Variants in ACER1 observed in about 807,000 individuals in gnomAD.
The protein encoded by ACER1 is alkaline ceramidase 1, also known as CTB-180A7.3.
Under a neutral mutation model 24.9 loss-of-function variants are expected in ACER1, and 28 were observed. That is an observed-to-expected ratio of 1.13 (90% CI 0.83 to 1.54). The LOEUF (loss-of-function observed/expected upper bound fraction) is 1.54. Among genes scored for constraint, ACER1 ranks in the 40% most tolerant of loss-of-function variants. The pLI, the probability that ACER1 is intolerant of heterozygous loss-of-function variation, is 0.00. For missense variants in ACER1, 352 were observed against 349.3 expected, an observed-to-expected ratio of 1.01 and a Z score of -0.06; for synonymous variants, 132 against 131.4, an observed-to-expected ratio of 1.00 and a Z score of -0.03.
the ACER1 span, among the ~76,000 whole-genome samples, chr19:6,354,902 C>T: frequency 1.3e-5 from 2 of 152,188 alleles, no homozygotes; most frequent in East Asian, 1.9e-4. Context: ...GCTGCCATCT[C>T]GGCTCACTGC....
At chr19:6,350,068 C>T in the ACER1 span, among the ~76,000 whole-genome samples, 1 of 151,958 alleles carries the variant, frequency 6.6e-6, no homozygotes, top group South Asian at 2.1e-4. Context: ...GAGTTTGAGG[C>T]TGCAGTGAGC....
chr19:6,358,976 T>C, the ACER1 span, among the ~76,000 whole-genome samples: 1 of 148,566 alleles, frequency 6.7e-6, no homozygotes, highest in African/African-American at 2.5e-5. Flanking sequence ...TGATGGTTCA[T>C]GTCTCAGCAG....
At chr19:6,309,394 C>T (rs1424250491) in intron 4 of ACER1, among the ~76,000 whole-genome samples, 3 of 151,922 alleles carry the variant, frequency 2.0e-5, no homozygotes, top group Admixed American at 6.6e-5. Context: ...TGATGGCATA[C>T]GCCTCTAGTC....
the ACER1 span, among the ~76,000 whole-genome samples, chr19:6,358,463 T>C: frequency 6.6e-6 from 1 of 151,992 alleles, no homozygotes; most frequent in Non-Finnish European, 1.5e-5. Context: ...GGGCACAAAA[T>C]TATTCTTATC....
chr19:6,345,309 C>T, the ACER1 span, among the ~76,000 whole-genome samples: 1 of 152,146 alleles, frequency 6.6e-6, no homozygotes, highest in Non-Finnish European at 1.5e-5. Flanking sequence ...CAGCAATCTG[C>T]AAGCTTTTTG....
the ACER1 span, among the ~76,000 whole-genome samples, chr19:6,354,202 T>G: frequency 2.0e-5 from 3 of 148,706 alleles, no homozygotes; most frequent in African/African-American, 5.1e-5. Context: ...TAAAATAAAA[T>G]AAAATAAATA....
At chr19:6,322,983 A>C (rs1049527426) in intron 1 of ACER1, among the ~76,000 whole-genome samples, 1 of 152,046 alleles carries the variant, frequency 6.6e-6, no homozygotes, top group Non-Finnish European at 1.5e-5. Context: ...GTGGTGGTGC[A>C]CACCTGTAAG....
chr19:6,355,376 A>G, the ACER1 span, among the ~76,000 whole-genome samples: 1 of 143,696 alleles, frequency 7.0e-6, no homozygotes, highest in African/African-American at 2.8e-5. Context: ...CTAGGAAGTG[A>G]GGAGCGCCTC....
intron 1 of ACER1, among the ~76,000 whole-genome samples, chr19:6,325,498 C>CA (rs1331957074): frequency 6.6e-6 from 1 of 152,020 alleles, no homozygotes; most frequent in Non-Finnish European, 1.5e-5. Flanking sequence ...ATTAAAAATA[C>CA]AAAAAATTAG....
At chr19:6,307,311 C>T in intron 4 of ACER1, 21 bp from the exon 5 acceptor site, 1 of 1,612,874 alleles carries the variant, frequency 6.2e-7, no homozygotes. Context: ...GAGAGGGGGA[C>T]CAGGGGCTGG....
At chr19:6,337,997 T>C (rs1163940136), upstream of ACER1, among the ~76,000 whole-genome samples, 1 of 151,546 alleles carries the variant, frequency 6.6e-6, no homozygotes, top group Non-Finnish European at 1.5e-5. Flanking sequence ...CTTTTTAAAA[T>C]AATATTTTGG....
chr19:6,330,561 T>C (rs892489433), intron 1 of ACER1, among the ~76,000 whole-genome samples: 5 of 150,012 alleles, frequency 3.3e-5, no homozygotes, highest in Admixed American at 2.0e-4. Flanking sequence ...TCCTCCTGTC[T>C]CGACCTTCCA....
chr19:6,320,643 TAATTAA>T (rs1324522911), intron 1 of ACER1, among the ~76,000 whole-genome samples: 1 of 152,068 alleles, frequency 6.6e-6, no homozygotes, highest in African/African-American at 2.4e-5. Context: ...TAATCACCAG[TAATTAA>T]GTGGTCTCAC....
chr19:6,317,036 C>A (rs2091606578), intron 1 of ACER1, among the ~76,000 whole-genome samples: 1 of 136,438 alleles, frequency 7.3e-6, no homozygotes, highest in Non-Finnish European at 1.5e-5. Context: ...TGCAGTGGTG[C>A]AATCTCGGTT....
the ACER1 span, among the ~76,000 whole-genome samples, chr19:6,347,644 T>C: frequency 6.6e-6 from 1 of 151,808 alleles, no homozygotes; most frequent in Non-Finnish European, 1.5e-5. Context: ...AAGACCAGCC[T>C]GACCAACATG....
intron 1 of ACER1, among the ~76,000 whole-genome samples, chr19:6,330,752 C>T (rs576452730): frequency 6.7e-6 from 1 of 149,998 alleles, no homozygotes; most frequent in East Asian, 1.9e-4. Context: ...AATCATTCAG[C>T]TCCCTCCCAT....
chr19:6,329,325 C>A (rs1434053396), intron 1 of ACER1, among the ~76,000 whole-genome samples: 1 of 139,424 alleles, frequency 7.2e-6, no homozygotes, highest in Non-Finnish European at 1.5e-5. Flanking sequence ...TATTCCTCAT[C>A]CCCTGACCTG....
chr19:6,322,495 C>G (rs2091635838), intron 1 of ACER1, among the ~76,000 whole-genome samples: 1 of 152,102 alleles, frequency 6.6e-6, no homozygotes, highest in South Asian at 2.1e-4. Flanking sequence ...ATTCATCTTT[C>G]AAAACCCAAC....
chr19:6,350,641 G>T, the ACER1 span, among the ~76,000 whole-genome samples: 1 of 150,672 alleles, frequency 6.6e-6, no homozygotes, highest in African/African-American at 2.4e-5. Context: ...GAGGGAGAGA[G>T]GGAGGGAGGC....
Sources: allele counts gnomAD v4.1 joint callset (sites outside exome capture counted in the v4.1 genomes callset), GRCh38; gene constraint gnomAD v4.1.1; transcripts MANE v1.5; gene names NCBI Gene and HGNC (gene_info 2026-07-23, HGNC 2026-07-21).